NRXN3: variants seen among roughly 807,000 people sequenced by gnomAD.
NRXN3 encodes neurexin III.
A neutral mutation model predicts 137.6 loss-of-function variants in NRXN3; 32 were observed. The observed-to-expected ratio is 0.23, with a 90% CI of 0.18 to 0.31. NRXN3 has a LOEUF of 0.31. Ranked by LOEUF, NRXN3 falls within the 10% of genes least tolerant of loss-of-function variation. The probability of loss-of-function intolerance (pLI) is 1.00; values close to 1 mark genes in which losing one functional copy is unlikely to be tolerated. For synonymous variants in NRXN3, 798 were observed against 784.5 expected, an observed-to-expected ratio of 1.02 and a Z score of -0.29; for missense variants, 1,574 against 2,062.5, an observed-to-expected ratio of 0.76 and a Z score of 4.59.
At chr14:78,553,763 G>T (rs2096714189) in intron 4 of NRXN3, among the ~76,000 whole-genome samples, 1 of 152,128 alleles carries the variant, frequency 6.6e-6, no homozygotes, top group Admixed American at 6.5e-5. Flanking sequence ...TCTAAATCTT[G>T]CTCCTTTTTT....
intron 15 of NRXN3, among the ~76,000 whole-genome samples, chr14:79,147,683 A>G (rs945629397): frequency 6.6e-6 from 1 of 152,118 alleles, no homozygotes; most frequent in African/African-American, 2.4e-5. Context: ...TTTTGTATCA[A>G]ATGCTTCTCA....
chr14:79,807,398 A>G (rs1198256809), intron 20 of NRXN3, among the ~76,000 whole-genome samples: 1 of 152,154 alleles, frequency 6.6e-6, no homozygotes, highest in Non-Finnish European at 1.5e-5. Flanking sequence ...TCTCCACAGC[A>G]ACATTCATAA....
chr14:78,582,369 G>A (rs2097009840), intron 4 of NRXN3, among the ~76,000 whole-genome samples: 1 of 152,138 alleles, frequency 6.6e-6, no homozygotes, highest in South Asian at 2.1e-4. Flanking sequence ...TTACCAAAAG[G>A]GCAGCAGCAG....
chr14:78,606,641 C>T (rs912331887), intron 4 of NRXN3, among the ~76,000 whole-genome samples: 5 of 152,146 alleles, frequency 3.3e-5, no homozygotes, highest in African/African-American at 7.2e-5. Context: ...CCTAGATGCT[C>T]GATAAATATG....
chr14:79,658,583 G>A (rs901667408), intron 16 of NRXN3, among the ~76,000 whole-genome samples: 2 of 152,076 alleles, frequency 1.3e-5, no homozygotes, highest in East Asian at 1.9e-4. Context: ...CCATCACAAC[G>A]AGACCCAAAA....
rs544840698 is a variant in NRXN3, at chr14:78,228,394, G to C, written c.-703-13997G>C. Among the ~76,000 whole-genome samples, 15 of 152,208 alleles carry C rather than the reference G, an allele frequency of 9.9e-5. No individual in the cohort carries two copies. The South Asian group carries it at 2.7e-3, about 27-fold the overall frequency. On this transcript the variant is annotated intron_variant, in intron 1 of 20. Transcript: ENST00000335750. ...GGATCTCGAACTCCTGACCTCAAGT[G>C]ATCTGCCTGCTTTGGCCTCCCAAAG...
chr14:79,640,165 T>C (rs1227931341), intron 16 of NRXN3, among the ~76,000 whole-genome samples: 2 of 135,712 alleles, frequency 1.5e-5, no homozygotes, highest in East Asian at 3.9e-4. Flanking sequence ...ATTGACTTTT[T>C]TTCCTTGGAT....
intron 15 of NRXN3, among the ~76,000 whole-genome samples, chr14:79,064,803 A>ATGTGTG (rs370697827): frequency 1.2e-3 from 151 of 129,246 alleles, no homozygotes; most frequent in Non-Finnish European, 1.7e-3. Flanking sequence ...ACCCATATAT[A>ATGTGTG]TGTGTGTGTG....
intron 15 of NRXN3, among the ~76,000 whole-genome samples, chr14:79,283,642 A>G (rs941151489): frequency 6.6e-6 from 1 of 151,834 alleles, no homozygotes; most frequent in Admixed American, 6.6e-5. Flanking sequence ...CCCCCAAAAA[A>G]TCTCACATTA....
At chr14:79,067,501 C>T (rs2099682250) in intron 15 of NRXN3, among the ~76,000 whole-genome samples, 1 of 151,918 alleles carries the variant, frequency 6.6e-6, no homozygotes. Flanking sequence ...GGGAGGAGTC[C>T]CTCCTCTTCA....
At chr14:79,806,743 T>A (rs1320745613) in intron 20 of NRXN3, among the ~76,000 whole-genome samples, 1 of 150,540 alleles carries the variant, frequency 6.6e-6, no homozygotes, top group East Asian at 1.9e-4. Flanking sequence ...AGAAATTAGC[T>A]GTCAGAGAAT....
chr14:78,592,069 T>C (rs934438388), intron 4 of NRXN3, among the ~76,000 whole-genome samples: 2 of 152,226 alleles, frequency 1.3e-5, no homozygotes, highest in Admixed American at 1.3e-4. Flanking sequence ...GTAATAGGTT[T>C]CTTTTTTTAA....
At chr14:78,991,927 A>G (rs1003858126) in intron 15 of NRXN3, among the ~76,000 whole-genome samples, 1 of 152,052 alleles carries the variant, frequency 6.6e-6, no homozygotes, top group Admixed American at 6.6e-5. Context: ...TCTTTGTGTG[A>G]CCCTGGTGGG....
chr14:79,003,338 C>G lies in NRXN3; in HGVS notation c.3262+15197C>G, dbSNP rs78470105. ...CAGCCTCTGTAATGACCAGAACTTT[C>G]AATACACAATCTTAACTTTGTAGAT... is the stretch of plus-strand genomic sequence containing the variant. On this transcript the variant is annotated intron_variant, in intron 15 of 20. Transcript: ENST00000335750. Among the ~76,000 whole-genome samples, 589 of 152,274 alleles carry G rather than the reference C, an allele frequency of 3.9e-3. 16 individuals are homozygous for G. Among genetic ancestry groups the G allele is most frequent in the East Asian group, 0.03 (157 of 5,182 alleles).
intron 15 of NRXN3, among the ~76,000 whole-genome samples, chr14:79,293,354 A>G (rs1010485812): frequency 3.3e-5 from 5 of 152,216 alleles, no homozygotes; most frequent in Non-Finnish European, 7.4e-5. Flanking sequence ...TCTGCTTTGC[A>G]TTTGTGGAAT....
intron 16 of NRXN3, among the ~76,000 whole-genome samples, chr14:79,649,093 T>C (rs1406537444): frequency 6.6e-6 from 1 of 152,172 alleles, no homozygotes; most frequent in Non-Finnish European, 1.5e-5. Context: ...GTCTGTATCC[T>C]TATTATCTCC....
At chr14:79,054,173 G>C (rs543826916) in intron 15 of NRXN3, among the ~76,000 whole-genome samples, 3 of 119,486 alleles carry the variant, frequency 2.5e-5, no homozygotes, top group East Asian at 6.0e-4. Flanking sequence ...GGTGGGGGGA[G>C]GGGAGAGGGA....
At chr14:79,408,668 A>T (rs995837970) in intron 15 of NRXN3, among the ~76,000 whole-genome samples, 1 of 152,066 alleles carries the variant, frequency 6.6e-6, no homozygotes, top group Non-Finnish European at 1.5e-5. Context: ...CCAAATACAG[A>T]TATAAAAACT....
chr14:79,114,326 C>T (rs1433661609), intron 15 of NRXN3, among the ~76,000 whole-genome samples: 1 of 152,146 alleles, frequency 6.6e-6, no homozygotes, highest in African/African-American at 2.4e-5. Context: ...AGAAACACTG[C>T]TCTGGATGCA....
Sources: gnomAD v4.1 joint callset for allele counts (sites outside exome capture counted in the v4.1 genomes callset) on GRCh38, gnomAD v4.1.1 for gene constraint, MANE v1.5 for transcripts, NCBI Gene and HGNC (gene_info 2026-07-23, HGNC 2026-07-21) for gene names.